SLC36A1: variants seen among roughly 807,000 people sequenced by gnomAD.
SLC36A1 encodes the protein proton-coupled amino acid transporter 1.
In SLC36A1, 30 loss-of-function variants were observed where a neutral mutation model predicts 47.5. The observed-to-expected ratio is 0.63, with a 90% CI of 0.47 to 0.86. The LOEUF (loss-of-function observed/expected upper bound fraction) is 0.86. Among genes scored for constraint, SLC36A1 ranks in the 40% least tolerant of loss-of-function variants. SLC36A1 has a pLI of 0.00. For missense variants in SLC36A1, 517 were observed against 606.0 expected (o/e 0.85, Z 1.54); for synonymous variants, 255 against 249.7 (o/e 1.02, Z -0.20).
chr5:151,355,457 A>C, the SLC36A1 span, among the ~76,000 whole-genome samples: 1 of 152,212 alleles, frequency 6.6e-6, no homozygotes, highest in African/African-American at 2.4e-5. Context: ...GAAAAAGTGC[A>C]TTCCTTTTAA....
At chr5:151,521,078 A>C in the SLC36A1 span, among the ~76,000 whole-genome samples, 1 of 152,194 alleles carries the variant, frequency 6.6e-6, no homozygotes, top group South Asian at 2.1e-4. Flanking sequence ...TAAATCTCGA[A>C]AGGGAGCTGA....
At chr5:151,552,670 T>C in the SLC36A1 span, among the ~76,000 whole-genome samples, 1 of 152,158 alleles carries the variant, frequency 6.6e-6, no homozygotes, top group Admixed American at 6.5e-5. Context: ...AAAACCTTGA[T>C]TTAGAGACAG....
At chr5:151,498,485 T>C in the SLC36A1 span, among the ~76,000 whole-genome samples, 1 of 152,238 alleles carries the variant, frequency 6.6e-6, no homozygotes, top group African/African-American at 2.4e-5. Flanking sequence ...AAAGGTTAAA[T>C]GACTTGCCCA....
upstream of SLC36A1, among the ~76,000 whole-genome samples, chr5:151,432,739 A>G (rs1048367412): frequency 2.0e-5 from 3 of 152,202 alleles, no homozygotes; most frequent in Admixed American, 2.0e-4. Flanking sequence ...GACCAGCAGC[A>G]TGAGAAGGGT....
At chr5:151,363,731 G>A in the SLC36A1 span, among the ~76,000 whole-genome samples, 1 of 151,996 alleles carries the variant, frequency 6.6e-6, no homozygotes, top group Non-Finnish European at 1.5e-5. Flanking sequence ...TTGCTTCTTG[G>A]GAGCACTTCC....
the SLC36A1 span, among the ~76,000 whole-genome samples, chr5:151,541,694 A>G: frequency 6.6e-6 from 1 of 152,264 alleles, no homozygotes; most frequent in Non-Finnish European, 1.5e-5. Flanking sequence ...GTATCCACTA[A>G]TGAAAGCAGC....
At chr5:151,434,245 T>C (rs969237248), upstream of SLC36A1, among the ~76,000 whole-genome samples, 1 of 152,166 alleles carries the variant, frequency 6.6e-6, no homozygotes, top group Non-Finnish European at 1.5e-5. Context: ...GAAAAGTAGC[T>C]CTTTTTAACA....
the SLC36A1 span, among the ~76,000 whole-genome samples, chr5:151,516,100 A>T: frequency 6.6e-6 from 1 of 151,850 alleles, no homozygotes; most frequent in African/African-American, 2.4e-5. Context: ...TATTCCCTCT[A>T]TCTAGAATGT....
In SLC36A1 at chr5:151,481,639, CT is replaced by C. The variant is rs796528266; in HGVS notation, c.1159+2161del. 4.6e-3 allele frequency among the ~76,000 whole-genome samples: 673 copies of C among 145,746 alleles called. 8 individuals are homozygous for C. The highest frequency in any genetic ancestry group is 0.016 in the African/African-American group (624 of 40,240). On this transcript the variant is annotated intron_variant, in intron 10 of 10. Coordinates refer to ENST00000243389, the MANE Select transcript of SLC36A1 (RefSeq NM_078483.4). ...GAACAGGAGGAATTCAGTGTAGTTTCTTTTTTTTTTTCCCTCTTGGAATTCA... is the reference window on the plus strand; with the variant it reads ...GAACAGGAGGAATTCAGTGTAGTTTCTTTTTTTTTTCCCTCTTGGAATTCA...
At chr5:151,373,061 T>C in the SLC36A1 span, among the ~76,000 whole-genome samples, 3 of 151,592 alleles carry the variant, frequency 2.0e-5, no homozygotes, top group South Asian at 2.1e-4. Flanking sequence ...TTAAAAAATA[T>C]AAAATAAATA....
the SLC36A1 span, chr5:151,544,026 G>C: frequency 6.2e-7 from 1 of 1,614,064 alleles, no homozygotes; most frequent in Non-Finnish European, 8.5e-7. Flanking sequence ...CAGACACATT[G>C]ACAACCACAA....
At chr5:151,470,427 A>G (rs1757157818) in intron 7 of SLC36A1, among the ~76,000 whole-genome samples, 1 of 152,248 alleles carries the variant, frequency 6.6e-6, no homozygotes, top group Admixed American at 6.5e-5. Flanking sequence ...GTCTATGCAT[A>G]GTACAACCAG....
chr5:151,512,196 A>G, the SLC36A1 span: 1 of 1,614,138 alleles, frequency 6.2e-7, no homozygotes, highest in South Asian at 1.1e-5. This position sits in a 1 kb window ranked among gnomAD's most constrained non-coding sequence, Gnocchi z 4.1. Context: ...ACTTCCCACC[A>G]TTGAGGCATG....
the SLC36A1 span, among the ~76,000 whole-genome samples, chr5:151,359,252 A>G: frequency 1.3e-5 from 2 of 152,196 alleles, no homozygotes; most frequent in Non-Finnish European, 2.9e-5. Context: ...CTTTCAAACA[A>G]CATCCACAAA....
At chr5:151,355,576 A>G in the SLC36A1 span, among the ~76,000 whole-genome samples, 9 of 152,200 alleles carry the variant, frequency 5.9e-5, no homozygotes, top group Non-Finnish European at 1.2e-4. Context: ...GACAACCTGC[A>G]TGTACCACAG....
the SLC36A1 span, among the ~76,000 whole-genome samples, chr5:151,370,445 A>G: frequency 0.51 from 78,008 of 151,482 alleles, 22,159 homozygotes; most frequent in African/African-American, 0.77. Flanking sequence ...ATGTTGTTAG[A>G]TTTACAGTTA....
the SLC36A1 span, among the ~76,000 whole-genome samples, chr5:151,552,951 G>A: frequency 2.0e-5 from 3 of 152,344 alleles, no homozygotes; most frequent in East Asian, 5.8e-4. Context: ...TCTGGCTGGG[G>A]TTAGAGATCG....
the SLC36A1 span, among the ~76,000 whole-genome samples, chr5:151,356,795 G>A: frequency 2.0e-5 from 3 of 152,204 alleles, no homozygotes; most frequent in East Asian, 5.8e-4. Flanking sequence ...CACAACTGGG[G>A]GCAATTTTCT....
In SLC36A1 at chr5:151,488,804, G is replaced by C. The variant is rs1759874529; in HGVS notation, c.*550G>C. 1 of 160,294 alleles carries C rather than the reference G, an allele frequency of 6.2e-6. No individual in the cohort carries two copies. Among genetic ancestry groups the C allele is most frequent in the African/African-American group, 2.4e-5 (1 of 41,478 alleles). 9.9% of individuals were successfully genotyped at this position (160,294 alleles called of 1,614,324 possible). On this transcript the variant is annotated 3_prime_UTR_variant, in exon 11 of 11. Transcript: ENST00000243389. ...TCATTTGAAACAGGCCCCCAAGCTG[G>C]AGTTTTTAATCTGGACTCTCTGGCT...
Sources: allele counts gnomAD v4.1 joint callset (sites outside exome capture counted in the v4.1 genomes callset), GRCh38; gene constraint gnomAD v4.1.1; non-coding constraint Gnocchi (gnomAD v3.1); transcripts MANE v1.5; gene names NCBI Gene and HGNC (gene_info 2026-07-23, HGNC 2026-07-21).